CAMK1G: variants seen among roughly 807,000 people sequenced by gnomAD.
The protein encoded by CAMK1G is calcium/calmodulin dependent protein kinase IG.
CAMK1G carries 27 observed loss-of-function variants against 54.8 expected under a neutral mutation model. That is an observed-to-expected ratio of 0.49 (90% CI 0.36 to 0.68). The LOEUF is 0.68. Among genes scored for constraint, CAMK1G ranks in the 30% least tolerant of loss-of-function variants. CAMK1G has a pLI of 0.00. For synonymous variants in CAMK1G, 238 were observed against 224.9 expected, an observed-to-expected ratio of 1.06 and a Z score of -0.52; for missense variants, 512 against 591.0, an observed-to-expected ratio of 0.87 and a Z score of 1.39.
chr1:209,591,349 C>T (rs17014842), intron 1 of CAMK1G, among the ~76,000 whole-genome samples: 4,274 of 152,272 alleles, frequency 0.028, 173 homozygotes, highest in East Asian at 0.22. Flanking sequence ...AGGAGTTTCT[C>T]ACATGCATTT....
chr1:209,603,830 C>G (rs1449302601), intron 4 of CAMK1G, among the ~76,000 whole-genome samples: 1 of 152,200 alleles, frequency 6.6e-6, no homozygotes, highest in Non-Finnish European at 1.5e-5. Flanking sequence ...TTTCCCAAAA[C>G]AGAGTCACCC....
chr1:209,607,176 G>A (rs1263667315), intron 6 of CAMK1G, among the ~76,000 whole-genome samples: 1 of 152,120 alleles, frequency 6.6e-6, no homozygotes, highest in African/African-American at 2.4e-5. Flanking sequence ...AGAAAGGCAG[G>A]TCATTCACTC....
chr1:209,604,400 C>G (rs567448854), intron 4 of CAMK1G, among the ~76,000 whole-genome samples: 8 of 152,304 alleles, frequency 5.3e-5, no homozygotes, highest in African/African-American at 1.9e-4. Flanking sequence ...TAAGCCTCCT[C>G]AGAGCATAGC....
At chr1:209,585,168 C>A (rs1193361555) in intron 1 of CAMK1G, among the ~76,000 whole-genome samples, 3 of 152,094 alleles carry the variant, frequency 2.0e-5, no homozygotes, top group Non-Finnish European at 4.4e-5. Flanking sequence ...GAGCACTCTT[C>A]AGAAAGTACT....
chr1:209,586,889 C>T (rs1243320975), intron 1 of CAMK1G, among the ~76,000 whole-genome samples: 2 of 152,096 alleles, frequency 1.3e-5, no homozygotes, highest in African/African-American at 4.8e-5. Flanking sequence ...AAGAAGCACA[C>T]AGTAAACCAT....
chr1:209,594,563 T>C (rs1456252295), intron 1 of CAMK1G, among the ~76,000 whole-genome samples: 1 of 151,920 alleles, frequency 6.6e-6, no homozygotes, highest in African/African-American at 2.4e-5. Context: ...GGTGGCAGAG[T>C]TGTGACATTA....
chr1:209,595,595 A>C (rs1665360050), intron 2 of CAMK1G, among the ~76,000 whole-genome samples: 1 of 151,990 alleles, frequency 6.6e-6, no homozygotes, highest in South Asian at 2.1e-4. Context: ...AGGTCCAGTG[A>C]CACTAGAACT....
At chr1:209,603,533 A>G (rs1665577427) in intron 4 of CAMK1G, among the ~76,000 whole-genome samples, 1 of 152,164 alleles carries the variant, frequency 6.6e-6, no homozygotes, top group South Asian at 2.1e-4. Context: ...GGACAACCCT[A>G]TCAGTGGTTA....
At chr1:209,585,617 T>C in intron 1 of CAMK1G, among the ~76,000 whole-genome samples, 1 of 152,214 alleles carries the variant, frequency 6.6e-6, no homozygotes. Flanking sequence ...GCAAAGTGCC[T>C]AGCGCGGTGC....
intron 1 of CAMK1G, among the ~76,000 whole-genome samples, chr1:209,590,440 G>A (rs1297543815): frequency 6.6e-6 from 1 of 152,208 alleles, no homozygotes; most frequent in African/African-American, 2.4e-5. Flanking sequence ...GGAACTAAAT[G>A]GTTAGGATTC....
chr1:209,591,648 C>T (rs7516885), intron 1 of CAMK1G, among the ~76,000 whole-genome samples: 24,980 of 152,100 alleles, frequency 0.16, 2,219 homozygotes, highest in Non-Finnish European at 0.19. Context: ...TTCAAAGTGG[C>T]ATTTTATGTT....
intron 3 of CAMK1G, among the ~76,000 whole-genome samples, chr1:209,601,962 G>A (rs977700280): frequency 1.3e-5 from 2 of 152,174 alleles, no homozygotes; most frequent in East Asian, 3.9e-4. Flanking sequence ...CTGACTCTGA[G>A]CCTAAGTCCT....
At chr1:209,600,251 C>A (rs550050547) in intron 3 of CAMK1G, 140 bp downstream of exon 3, 5 of 981,784 alleles carry the variant, frequency 5.1e-6, no homozygotes, top group Non-Finnish European at 5.9e-6. Context: ...TCAGTTCAGT[C>A]AATTAGCTAA....
intron 1 of CAMK1G, among the ~76,000 whole-genome samples, chr1:209,591,273 T>G (rs35913818): frequency 6.6e-6 from 1 of 152,032 alleles, no homozygotes; most frequent in Non-Finnish European, 1.5e-5. Context: ...GAGGAGCAGA[T>G]CAGCAAATGG....
chr1:209,585,024 T>G lies in CAMK1G; in HGVS notation c.-30+1252T>G, dbSNP rs138029723. On this transcript the variant is annotated intron_variant, in intron 1 of 12. Transcript: ENST00000361322. The stretch of plus-strand genomic sequence containing the variant: ...AGATGAGACCATTGAAGCTTAGAAG[T>G]TAAAGGGTTTGCCTGGGGTTGCAAA... Among the ~76,000 whole-genome samples the G allele has an allele frequency of 1.4e-3, 208 of 152,260 alleles. 1 individual carries two copies. The highest frequency in any genetic ancestry group is 4.2e-3 in the African/African-American group (175 of 41,540).
chr1:209,611,376 T>C (rs879454554), intron 9 of CAMK1G, 89 bp from the exon 10 acceptor site: 3 of 1,150,398 alleles, frequency 2.6e-6, no homozygotes, highest in East Asian at 4.9e-5. Flanking sequence ...TCTACCCAGC[T>C]CTCACCTAGA....
At chr1:209,606,276 C>T in intron 5 of CAMK1G, 44 bp from the exon 6 acceptor site, 1 of 1,601,278 alleles carries the variant, frequency 6.2e-7, no homozygotes, top group Non-Finnish European at 8.5e-7. Context: ...AAAATACTTG[C>T]TTCAGGTGGT....
At position 209,592,364 on chromosome 1, in the gene CAMK1G, A is replaced by C. The variant is rs72758533; in HGVS notation, c.-29-2591A>C. ...TGTCTCAAAAAAAAAAAAAAAAAAA[A>C]CTCCAGTACTCCTACTGTGGTCACT... is the stretch of plus-strand genomic sequence containing the variant. On this transcript the variant is annotated intron_variant, in intron 1 of 12. Coordinates refer to ENST00000361322, the MANE Select transcript of CAMK1G (RefSeq NM_020439.3). Among the ~76,000 whole-genome samples, 104 of 143,812 alleles carry C rather than the reference A, an allele frequency of 7.2e-4. 2 individuals carry two copies. Among genetic ancestry groups the C allele is most frequent in the South Asian group, 6.6e-4 (3 of 4,530 alleles). The allele number at this position is 143,812 out of a possible 152,430, so 94.3% of individuals were successfully genotyped here. A position where few individuals can be genotyped will look rare whatever the true frequency, so the allele number is the denominator to read the frequency against.
At chr1:209,588,101 G>C (rs1665147654) in intron 1 of CAMK1G, among the ~76,000 whole-genome samples, 1 of 152,220 alleles carries the variant, frequency 6.6e-6, no homozygotes, top group African/African-American at 2.4e-5. Context: ...CTATGCCCCA[G>C]AGTGATTCAT....
Sources: gnomAD v4.1 joint callset for allele counts (sites outside exome capture counted in the v4.1 genomes callset) on GRCh38, gnomAD v4.1.1 for gene constraint, MANE v1.5 for transcripts, NCBI Gene and HGNC (gene_info 2026-07-23, HGNC 2026-07-21) for gene names.